POU3F3: variants seen among roughly 807,000 people sequenced by gnomAD.
POU3F3 encodes POU domain, class 3, transcription factor 3.
Under a neutral mutation model 8.6 loss-of-function variants are expected in POU3F3, and 1 was observed. The observed-to-expected ratio is 0.12, with a 90% confidence interval of 0.04 to 0.55. The LOEUF (loss-of-function observed/expected upper bound fraction) is 0.55. Ranked by LOEUF, POU3F3 falls within the 20% of genes least tolerant of loss-of-function variation. The pLI, the probability that POU3F3 is intolerant of heterozygous loss-of-function variation, is 0.91. For synonymous variants in POU3F3, 418 were observed against 327.4 expected, an observed-to-expected ratio of 1.28 and a Z score of -2.99; for missense variants, 577 against 690.7, an observed-to-expected ratio of 0.84 and a Z score of 1.84.
At chr2:104,912,508 A>G in the POU3F3 span, among the ~76,000 whole-genome samples, 1 of 152,206 alleles carries the variant, frequency 6.6e-6, no homozygotes, top group Non-Finnish European at 1.5e-5. Context: ...GCTCAGATTC[A>G]ATACCTGAGT....
At chr2:104,906,487 C>T in the POU3F3 span, among the ~76,000 whole-genome samples, 1 of 152,226 alleles carries the variant, frequency 6.6e-6, no homozygotes, top group South Asian at 2.1e-4. Context: ...CTTCTTTTCT[C>T]CTTCTAGAAT....
the POU3F3 span, among the ~76,000 whole-genome samples, chr2:104,898,994 G>A: frequency 2.0e-5 from 3 of 152,214 alleles, no homozygotes; most frequent in Non-Finnish European, 4.4e-5. Context: ...TTGGAAGGAA[G>A]GAGGCCAGAG....
chr2:104,876,331 A>T, the POU3F3 span, among the ~76,000 whole-genome samples: 2 of 152,168 alleles, frequency 1.3e-5, no homozygotes, highest in South Asian at 2.1e-4. Context: ...CATGTGGGTG[A>T]TTGGTGGAAA....
the POU3F3 span, among the ~76,000 whole-genome samples, chr2:104,878,628 G>C: frequency 1.9e-3 from 285 of 152,298 alleles, no homozygotes; most frequent in African/African-American, 6.6e-3. Context: ...AGACTACAAG[G>C]CTGGGGCAAA....
the POU3F3 span, among the ~76,000 whole-genome samples, chr2:104,874,306 C>CG: frequency 3.3e-5 from 5 of 152,154 alleles, no homozygotes; most frequent in Non-Finnish European, 5.9e-5. Flanking sequence ...ACAAAGGCAC[C>CG]GGAGGGACTC....
At chr2:104,863,568 C>A (rs944188739), downstream of POU3F3, among the ~76,000 whole-genome samples, 1 of 152,048 alleles carries the variant, frequency 6.6e-6, no homozygotes. Context: ...CTGGCTGACC[C>A]GGGCTTTCTC....
chr2:104,853,456 C>CCTCT (rs1288211935), upstream of POU3F3: 1 of 152,332 alleles, frequency 6.6e-6, no homozygotes, highest in Admixed American at 6.5e-5. Flanking sequence ...TGGCCACGAC[C>CCTCT]AGAGCTCTTG....
At chr2:104,884,068 T>C in the POU3F3 span, among the ~76,000 whole-genome samples, 1 of 152,144 alleles carries the variant, frequency 6.6e-6, no homozygotes, top group Admixed American at 6.5e-5. Flanking sequence ...CTGATGAGAA[T>C]AGAGACCATG....
rs1558702986 is a variant in POU3F3 at position 104,855,746 on chromosome 2, A to C, written c.236A>C (p.Gln79Pro). ...SVKMVQSDFMQGAMAASNGGH... is the reference protein window; with the variant it reads ...SVKMVQSDFMPGAMAASNGGH... ...AAGATGGTCCAGAGCGACTTCATGC[A>C]GGGGGCCATGGCCGCCAGCAACGGC... Residue 79 changes from glutamine (Q) to proline (P), a missense_variant, in exon 1 of 1, where the codon CAG becomes CCG. Gln to Pro is a moderately conservative substitution (Grantham distance 76, BLOSUM62 -1). Around this residue, in one of 7 missense-constraint regions of POU3F3, gnomAD observed 484 missense variants for 422.6 expected, o/e 1.15. Coordinates refer to ENST00000361360, the MANE Select transcript of POU3F3 (RefSeq NM_006236.3). 1.5e-6 allele frequency: 2 copies of C among 1,303,680 alleles called. No homozygotes were observed. The highest frequency in any genetic ancestry group is 1.6e-5 in the African/African-American group (1 of 62,800). The allele number at this position is 1,303,680 out of a possible 1,614,324, so 80.8% of individuals were successfully genotyped here.
At chr2:104,881,111 T>TTTC in the POU3F3 span, among the ~76,000 whole-genome samples, 63 of 148,654 alleles carry the variant, frequency 4.2e-4, no homozygotes, top group South Asian at 0.012. Context: ...TCTTTCTTTC[T>TTTC]TTATTTCTTA....
chr2:104,922,185 T>G, the POU3F3 span, among the ~76,000 whole-genome samples: 1 of 151,946 alleles, frequency 6.6e-6, no homozygotes. Context: ...CTCTGAGGAA[T>G]GGGGAGAATC....
chr2:104,893,573 CT>C, the POU3F3 span, among the ~76,000 whole-genome samples: 1 of 152,226 alleles, frequency 6.6e-6, no homozygotes, highest in Non-Finnish European at 1.5e-5. Flanking sequence ...ATTGACTTCA[CT>C]GAGTTGGATG....
the POU3F3 span, among the ~76,000 whole-genome samples, chr2:104,885,397 C>T: frequency 3.9e-5 from 6 of 152,236 alleles, no homozygotes; most frequent in South Asian, 4.2e-4. Flanking sequence ...CTAGGTCACA[C>T]GATGAAATAG....
the POU3F3 span, among the ~76,000 whole-genome samples, chr2:104,897,594 G>T: frequency 6.6e-6 from 1 of 152,084 alleles, no homozygotes; most frequent in Admixed American, 6.5e-5. Context: ...GACCCAGGAC[G>T]AACCCCAGCC....
At chr2:104,911,746 C>T in the POU3F3 span, among the ~76,000 whole-genome samples, 1 of 151,458 alleles carries the variant, frequency 6.6e-6, no homozygotes, top group African/African-American at 2.4e-5. Flanking sequence ...AGGAACCATC[C>T]GAGACTGGGA....
chr2:104,859,691 G>A (rs1479285372), downstream of POU3F3, among the ~76,000 whole-genome samples: 1 of 152,158 alleles, frequency 6.6e-6, no homozygotes, highest in Non-Finnish European at 1.5e-5. Flanking sequence ...CATGTATTGG[G>A]TTGCATTATT....
downstream of POU3F3, among the ~76,000 whole-genome samples, chr2:104,861,738 C>G (rs988517501): frequency 6.6e-6 from 1 of 152,144 alleles, no homozygotes; most frequent in Non-Finnish European, 1.5e-5. Context: ...GCTGCTGCTG[C>G]TGTTGTTGTT....
At chr2:104,869,562 C>A in the POU3F3 span, among the ~76,000 whole-genome samples, 1 of 152,214 alleles carries the variant, frequency 6.6e-6, no homozygotes, top group Non-Finnish European at 1.5e-5. Flanking sequence ...CCTACTTGTG[C>A]AGTTCCTCAT....
chr2:104,891,673 G>T, the POU3F3 span, among the ~76,000 whole-genome samples: 3 of 152,186 alleles, frequency 2.0e-5, no homozygotes, highest in African/African-American at 7.2e-5. Flanking sequence ...TGGTGTGGGG[G>T]CAGAGAAGGC....
Sources: allele counts gnomAD v4.1 joint callset (sites outside exome capture counted in the v4.1 genomes callset), GRCh38; gene constraint gnomAD v4.1.1; regional missense constraint gnomAD v4.1.1; transcripts MANE v1.5; gene names NCBI Gene and HGNC (gene_info 2026-07-23, HGNC 2026-07-21).